Variants in ABLIM1 observed in about 807,000 individuals in gnomAD.
The protein encoded by ABLIM1 is actin-binding LIM protein 1.
ABLIM1 carries 40 observed loss-of-function variants against 107.0 expected under a neutral mutation model. That is an observed-to-expected ratio of 0.37 (90% CI 0.29 to 0.49). The LOEUF is 0.49. Ranked by LOEUF, ABLIM1 falls within the 20% of genes least tolerant of loss-of-function variation. The pLI, the probability that ABLIM1 is intolerant of heterozygous loss-of-function variation, is 0.97. For missense variants in ABLIM1, 857 were observed against 1,008.5 expected (o/e 0.85, Z 2.04); for synonymous variants, 357 against 357.3 (o/e 1.00, Z 0.01).
Position 114,640,812 on chromosome 10 carries a change from G to C in ABLIM1, c.244+17145C>G, listed in dbSNP as rs531875018. ...CATTAAATAGAAAATAAGAACTACT[G>C]AGTTGAGAGAATCTGGGGAATAAAG... is the stretch of plus-strand genomic sequence containing the variant. On this transcript the variant is annotated intron_variant, in intron 1 of 22. Transcript: ENST00000533213. Among the ~76,000 whole-genome samples, 6 of 152,194 alleles carry C rather than the reference G, an allele frequency of 3.9e-5. No individual in the cohort carries two copies. In the East Asian group the frequency reaches 1.2e-3, roughly 29 times the overall value.
At chr10:114,538,114 G>T (rs1255597102) in intron 6 of ABLIM1, among the ~76,000 whole-genome samples, 1 of 152,162 alleles carries the variant, frequency 6.6e-6, no homozygotes, top group Non-Finnish European at 1.5e-5. Context: ...CAAAAAGAAG[G>T]AAGGGGACAA....
intron 1 of ABLIM1, among the ~76,000 whole-genome samples, chr10:114,677,092 C>T (rs1440111434): frequency 6.6e-6 from 1 of 152,108 alleles, no homozygotes. Context: ...TGGTTCCCTC[C>T]CTCTGGGGGA....
chr10:114,535,846 G>A (rs1373981235), intron 6 of ABLIM1, among the ~76,000 whole-genome samples: 4 of 152,050 alleles, frequency 2.6e-5, no homozygotes, highest in Non-Finnish European at 4.4e-5. Context: ...TGAAAATACA[G>A]CATTCAAGGG....
intron 12 of ABLIM1, among the ~76,000 whole-genome samples, chr10:114,458,994 G>A (rs2063346326): frequency 6.6e-6 from 1 of 152,232 alleles, no homozygotes; most frequent in Non-Finnish European, 1.5e-5. Context: ...GGATGTTATG[G>A]AAAATGAATG....
At chr10:114,783,717 G>A in the ABLIM1 span, among the ~76,000 whole-genome samples, 2 of 151,892 alleles carry the variant, frequency 1.3e-5, no homozygotes, top group Non-Finnish European at 2.9e-5. Context: ...GTATGTGGCT[G>A]TCAGGAAAAA....
intron 6 of ABLIM1, 138 bp downstream of exon 6, chr10:114,544,867 A>T (rs754468578): frequency 1.3e-6 from 1 of 770,676 alleles, no homozygotes; most frequent in Non-Finnish European, 2.3e-6. Context: ...AATTCTTGAA[A>T]ATAGTCACCT....
At chr10:114,515,994 G>A (rs575155936) in intron 6 of ABLIM1, among the ~76,000 whole-genome samples, 21 of 152,166 alleles carry the variant, frequency 1.4e-4, no homozygotes, top group Non-Finnish European at 2.8e-4. Context: ...AAGTAGTGGT[G>A]CTTTGTTATG....
At chr10:114,451,574 T>C (rs769405031) in intron 14 of ABLIM1, 50 bp downstream of exon 14, 1 of 1,537,116 alleles carries the variant, frequency 6.5e-7, no homozygotes, top group Admixed American at 1.7e-5. Context: ...CAAGGAGAAG[T>C]TCAGCTGACT....
chr10:114,798,231 G>C, the ABLIM1 span, among the ~76,000 whole-genome samples: 2 of 152,014 alleles, frequency 1.3e-5, no homozygotes, highest in Non-Finnish European at 2.9e-5. Flanking sequence ...GACCAGCCTG[G>C]CCAACATGGC....
intron 1 of ABLIM1, among the ~76,000 whole-genome samples, chr10:114,618,204 G>A (rs764972037): frequency 5.9e-5 from 9 of 152,134 alleles, no homozygotes; most frequent in Non-Finnish European, 1.3e-4. Context: ...TACACTTTGC[G>A]AATGTAATTA....
At chr10:114,732,386 C>T (rs1021199538) in intron 1 of ABLIM1, among the ~76,000 whole-genome samples, 3 of 151,868 alleles carry the variant, frequency 2.0e-5, no homozygotes, top group Non-Finnish European at 4.4e-5. Flanking sequence ...AAGGTCTATT[C>T]AAGTCCCTTG....
intron 2 of ABLIM1, among the ~76,000 whole-genome samples, chr10:114,579,794 T>C (rs1377869199): frequency 1.2e-4 from 18 of 152,342 alleles, no homozygotes; most frequent in African/African-American, 4.3e-4. Flanking sequence ...TTTCTATCTC[T>C]ATGAATTTAA....
intron 1 of ABLIM1, among the ~76,000 whole-genome samples, chr10:114,621,239 T>A (rs901824502): frequency 2.0e-5 from 3 of 152,224 alleles, no homozygotes; most frequent in Non-Finnish European, 4.4e-5. Context: ...CAGTCCCATA[T>A]TACTTTCATA....
intron 1 of ABLIM1, among the ~76,000 whole-genome samples, chr10:114,651,235 C>A (rs2079225341): frequency 6.6e-6 from 1 of 152,080 alleles, no homozygotes; most frequent in South Asian, 2.1e-4. Flanking sequence ...TTTTCCATGC[C>A]AGGTACTATA....
intron 1 of ABLIM1, among the ~76,000 whole-genome samples, chr10:114,740,618 A>G (rs1298591618): frequency 1.3e-5 from 2 of 152,206 alleles, no homozygotes; most frequent in African/African-American, 4.8e-5. Flanking sequence ...TACTGATTAG[A>G]TACAGTAACT....
chr10:114,585,175 T>C (rs78804564), intron 2 of ABLIM1, among the ~76,000 whole-genome samples: 243 of 152,290 alleles, frequency 1.6e-3, no homozygotes, highest in African/African-American at 5.8e-3. Flanking sequence ...CCCCAGGGAA[T>C]TACATTTCAA....
the ABLIM1 span, chr10:114,778,114 A>C: frequency 6.6e-6 from 1 of 152,420 alleles, no homozygotes; most frequent in African/African-American, 2.4e-5. Flanking sequence ...CTGTAATCCT[A>C]GCACTTTGGG....
At chr10:114,653,039 T>G (rs1038654433) in intron 1 of ABLIM1, among the ~76,000 whole-genome samples, 1 of 152,208 alleles carries the variant, frequency 6.6e-6, no homozygotes, top group African/African-American at 2.4e-5. Context: ...TGACCCACTC[T>G]TATGCTCCTC....
chr10:114,754,883 A>G (rs1235754869), intron 1 of ABLIM1, among the ~76,000 whole-genome samples: 1 of 152,134 alleles, frequency 6.6e-6, no homozygotes, highest in Non-Finnish European at 1.5e-5. Flanking sequence ...AGTTTCCAGG[A>G]GCAGAGCACA....
Sources: allele counts gnomAD v4.1 joint callset (sites outside exome capture counted in the v4.1 genomes callset), GRCh38; gene constraint gnomAD v4.1.1; transcripts MANE v1.5; gene names NCBI Gene and HGNC (gene_info 2026-07-23, HGNC 2026-07-21).